The following POU6F2 variants were observed in gnomAD, a reference collection of about 807,000 sequenced individuals.
POU6F2 encodes the protein POU class 6 homeobox 2.
POU6F2 carries 31 observed loss-of-function variants against 71.3 expected under a neutral mutation model. That is an observed-to-expected ratio of 0.43 (90% CI 0.33 to 0.59). The LOEUF (loss-of-function observed/expected upper bound fraction) is 0.59. Ranked by LOEUF, POU6F2 falls within the 20% of genes least tolerant of loss-of-function variation. The pLI is 0.04. For missense variants in POU6F2, 783 were observed against 856.8 expected, an observed-to-expected ratio of 0.91 and a Z score of 1.07; for synonymous variants, 347 against 355.7, an observed-to-expected ratio of 0.98 and a Z score of 0.27.
chr7:39,126,458 C>A (rs565571706), intron 2 of POU6F2, among the ~76,000 whole-genome samples: 4 of 152,246 alleles, frequency 2.6e-5, no homozygotes, highest in African/African-American at 9.6e-5. Context: ...ATGAGCACTC[C>A]GTCATTAAGT....
chr7:39,054,328 C>T (rs7786896), intron 1 of POU6F2, among the ~76,000 whole-genome samples: 95,388 of 151,728 alleles, frequency 0.63, 30,419 homozygotes, highest in East Asian at 0.9. Context: ...TCAACCCTGA[C>T]CCTCACAACA....
rs1793582088 is a variant in POU6F2 at position 39,188,038 on chromosome 7, T to C, written c.278-16197T>C. Among the ~76,000 whole-genome samples the C allele has an allele frequency of 2.0e-5, 3 of 152,244 alleles. No homozygotes were observed. The South Asian group carries it at 6.2e-4, about 31-fold the overall frequency. ...ATCATGACCATTTGTGATTGAACAA[T>C]TGTATGTCAATGTCACTTGTAAAAA... On this transcript the variant is annotated intron_variant, in intron 2 of 9. Coordinates refer to ENST00000518318, the MANE Select transcript of POU6F2 (RefSeq NM_001370959.1).
chr7:39,085,693 G>A (rs1791224600), intron 1 of POU6F2, 167 bp from the exon 2 acceptor site: 2 of 680,558 alleles, frequency 2.9e-6, no homozygotes, highest in Admixed American at 2.5e-5. Flanking sequence ...TCACTTGACT[G>A]CAGCCAGCAA....
In POU6F2 at chr7:39,106,951, G is replaced by A. The variant is rs371185568; in HGVS notation, c.277+20920G>A. ...AATTAGGCTTGAATGCTCTTTTTGT[G>A]ATTTTTGACCATTGGTAATTCTTCT... On this transcript the variant is annotated intron_variant, in intron 2 of 9. Transcript: ENST00000518318. 1.2e-3 allele frequency among the ~76,000 whole-genome samples: 184 copies of A among 150,690 alleles called. 3 individuals carry two copies. In the South Asian group the frequency reaches 0.021, roughly 17 times the overall value.
chr7:39,327,235 CGCCACT>C (rs2128770525), intron 4 of POU6F2, among the ~76,000 whole-genome samples: 1 of 150,976 alleles, frequency 6.6e-6, no homozygotes, highest in Non-Finnish European at 1.5e-5. Context: ...GCTGAGATCA[CGCCACT>C]GCACTCCAGC....
intron 4 of POU6F2, among the ~76,000 whole-genome samples, chr7:39,222,406 A>G (rs149065468): frequency 1.3e-5 from 2 of 152,348 alleles, no homozygotes; most frequent in African/African-American, 4.8e-5. Context: ...AGTAAAATAT[A>G]CCTAACATAA....
intron 6 of POU6F2, among the ~76,000 whole-genome samples, chr7:39,416,506 A>G (rs1053985830): frequency 2.0e-5 from 3 of 152,228 alleles, no homozygotes; most frequent in Non-Finnish European, 4.4e-5. Flanking sequence ...TGTCCCACAC[A>G]GCACAGTGAT....
At chr7:39,360,611 A>C (rs1352885866) in intron 5 of POU6F2, among the ~76,000 whole-genome samples, 1 of 152,198 alleles carries the variant, frequency 6.6e-6, no homozygotes, top group Non-Finnish European at 1.5e-5. Context: ...TGTGCAGGAA[A>C]GAATTCAGGG....
At chr7:39,075,768 C>A (rs984635816) in intron 1 of POU6F2, among the ~76,000 whole-genome samples, 1 of 152,184 alleles carries the variant, frequency 6.6e-6, no homozygotes, top group Non-Finnish European at 1.5e-5. Flanking sequence ...AAAGGCTGAG[C>A]CCTTGGGGCG....
At chr7:39,213,977 TG>T (rs1410600903) in intron 4 of POU6F2, among the ~76,000 whole-genome samples, 1 of 152,234 alleles carries the variant, frequency 6.6e-6, no homozygotes, top group African/African-American at 2.4e-5. Context: ...TCTCAGTCCC[TG>T]TATAGCTTAT....
chr7:39,052,084 T>C (rs1189058264), intron 1 of POU6F2, among the ~76,000 whole-genome samples: 3 of 152,100 alleles, frequency 2.0e-5, no homozygotes, highest in African/African-American at 7.2e-5. Flanking sequence ...TCCTATCACA[T>C]AGCCTATGCA....
chr7:39,136,731 C>T (rs895037685), intron 2 of POU6F2, among the ~76,000 whole-genome samples: 9 of 151,926 alleles, frequency 5.9e-5, no homozygotes, highest in Admixed American at 5.9e-4. Flanking sequence ...TGGTAGCTCA[C>T]ACCTGTAATC....
rs527372244 is a variant in POU6F2, at chr7:39,196,095, A to T, written c.278-8140A>T. Among the ~76,000 whole-genome samples the T allele has an allele frequency of 3.3e-5, 5 of 152,338 alleles. No homozygotes were observed. The South Asian group carries it at 1.0e-3, about 32-fold the overall frequency. On this transcript the variant is annotated intron_variant, in intron 2 of 9. Transcript: ENST00000518318. ...CTAGGCCAATTACACTGCCTTGCAG[A>T]ATCTAGATCTTGTCCCCTTGTCAAG...
At chr7:39,413,133 G>C (rs1787591369) in intron 6 of POU6F2, among the ~76,000 whole-genome samples, 2 of 151,318 alleles carry the variant, frequency 1.3e-5, no homozygotes. Flanking sequence ...GAAACAGAGG[G>C]ATAGGAGCCG....
At chr7:38,997,841 T>G (rs1788781526) in intron 1 of POU6F2, among the ~76,000 whole-genome samples, 1 of 152,234 alleles carries the variant, frequency 6.6e-6, no homozygotes, top group African/African-American at 2.4e-5. Context: ...GAATTTTATA[T>G]AGTTTTAGAA....
At chr7:39,153,119 G>A (rs1037791855) in intron 2 of POU6F2, among the ~76,000 whole-genome samples, 1 of 152,070 alleles carries the variant, frequency 6.6e-6, no homozygotes, top group Non-Finnish European at 1.5e-5. Flanking sequence ...GATGTGCGTT[G>A]GACAAAGGTG....
At chr7:39,006,851 T>C in intron 1 of POU6F2, 2 of 1,613,786 alleles carry the variant, frequency 1.2e-6, no homozygotes, top group Non-Finnish European at 1.7e-6. Context: ...AAGTGGCAAA[T>C]GAGTGCTCTT....
At chr7:39,017,492 T>C (rs1010282672) in intron 1 of POU6F2, among the ~76,000 whole-genome samples, 4 of 152,170 alleles carry the variant, frequency 2.6e-5, no homozygotes, top group African/African-American at 9.7e-5. Context: ...AGCAGCCGTC[T>C]TATGATAACC....
chr7:39,023,058 C>T (rs1789714270), intron 1 of POU6F2, among the ~76,000 whole-genome samples: 1 of 151,968 alleles, frequency 6.6e-6, no homozygotes, highest in Non-Finnish European at 1.5e-5. Context: ...AGTGGTATTT[C>T]ATTGTGGCTT....
Sources: allele counts gnomAD v4.1 joint callset (sites outside exome capture counted in the v4.1 genomes callset), GRCh38; gene constraint gnomAD v4.1.1; transcripts MANE v1.5; gene names NCBI Gene and HGNC (gene_info 2026-07-23, HGNC 2026-07-21).